Variants in PRKCE observed in about 807,000 individuals in gnomAD.
The protein encoded by PRKCE is protein kinase C epsilon type.
Under a neutral mutation model 85.4 loss-of-function variants are expected in PRKCE, and 16 were observed. The observed-to-expected ratio is 0.19, with a 90% CI of 0.13 to 0.28. The LOEUF is 0.28. Ranked by LOEUF, PRKCE falls within the 10% of genes least tolerant of loss-of-function variation. PRKCE has a pLI of 1.00. For synonymous variants in PRKCE, 388 were observed against 371.5 expected (o/e 1.04, Z -0.51); for missense variants, 573 against 975.2 (o/e 0.59, Z 5.49).
chr2:45,724,356 C>T (rs1265983650), intron 1 of PRKCE, among the ~76,000 whole-genome samples: 2 of 152,184 alleles, frequency 1.3e-5, no homozygotes, highest in African/African-American at 2.4e-5. Context: ...CTTACTGCTC[C>T]TCCAACTAGC....
intron 1 of PRKCE, among the ~76,000 whole-genome samples, chr2:45,782,132 T>C (rs1429571395): frequency 6.6e-6 from 1 of 152,214 alleles, no homozygotes; most frequent in Admixed American, 6.5e-5. Flanking sequence ...TCTCCTTAAG[T>C]CTGTCTTGTA....
chr2:45,792,150 A>G (rs902754279), intron 1 of PRKCE, among the ~76,000 whole-genome samples: 3 of 152,166 alleles, frequency 2.0e-5, no homozygotes, highest in African/African-American at 7.2e-5. Context: ...GTGCTGTGTC[A>G]CAACATGGCA....
At chr2:45,939,300 G>A (rs1318225386) in intron 2 of PRKCE, among the ~76,000 whole-genome samples, 1 of 152,170 alleles carries the variant, frequency 6.6e-6, no homozygotes, top group Non-Finnish European at 1.5e-5. Flanking sequence ...AGATGGGCTT[G>A]TCTAAAGCCA....
chr2:45,699,877 G>A (rs1444180761), intron 1 of PRKCE, among the ~76,000 whole-genome samples: 2 of 152,172 alleles, frequency 1.3e-5, no homozygotes, highest in Admixed American at 1.3e-4. Context: ...TGTCTGATGA[G>A]TGGAGAAATG....
In PRKCE at chr2:45,889,553, G is replaced by A. The variant is rs1240128534; in HGVS notation, c.412+46490G>A. Among the ~76,000 whole-genome samples, 4 of 127,878 alleles carry A rather than the reference G, an allele frequency of 3.1e-5. No individual in the cohort carries two copies. The Admixed American group carries it at 3.6e-4, about 12-fold the overall frequency. The allele number at this position is 127,878 out of a possible 152,430, so 83.9% of individuals were successfully genotyped here. A position where few individuals can be genotyped will look rare whatever the true frequency, so the allele number is the denominator to read the frequency against. Reference sequence around the variant, plus strand: ...GTTTCTGCTTAAGTATTTAAATGCAGTACTGGCTGTTGGTGGGGTGGGGTG... The same window carrying A: ...GTTTCTGCTTAAGTATTTAAATGCAATACTGGCTGTTGGTGGGGTGGGGTG... On this transcript the variant is annotated intron_variant, in intron 2 of 14. Transcript: ENST00000306156.
At chr2:45,966,541 T>G (rs569537744) in intron 2 of PRKCE, among the ~76,000 whole-genome samples, 2 of 152,200 alleles carry the variant, frequency 1.3e-5, no homozygotes, top group Non-Finnish European at 2.9e-5. Flanking sequence ...TTGAATTGTT[T>G]TCTTTGTGTT....
intron 1 of PRKCE, among the ~76,000 whole-genome samples, chr2:45,749,911 G>T (rs887128560): frequency 6.6e-6 from 1 of 152,260 alleles, no homozygotes; most frequent in Middle Eastern, 3.4e-3. Context: ...TCTTCCAGAG[G>T]TATTTAGAGG....
intron 1 of PRKCE, among the ~76,000 whole-genome samples, chr2:45,837,511 T>A (rs1459754771): frequency 6.6e-6 from 1 of 152,124 alleles, no homozygotes; most frequent in African/African-American, 2.4e-5. Context: ...CCTGCCTCAG[T>A]CTACTAAAGT....
intron 1 of PRKCE, among the ~76,000 whole-genome samples, chr2:45,828,222 C>T (rs966463492): frequency 2.1e-4 from 32 of 152,176 alleles, no homozygotes; most frequent in African/African-American, 3.9e-4. Context: ...AGAGGAGATT[C>T]GATCAAAGCA....
intron 10 of PRKCE, among the ~76,000 whole-genome samples, chr2:46,017,448 C>T (rs1706264176): frequency 6.6e-6 from 1 of 152,180 alleles, no homozygotes; most frequent in African/African-American, 2.4e-5. Context: ...TTTCACTTAT[C>T]ATCTATGGAT....
At chr2:46,032,221 A>C (rs187409432) in intron 10 of PRKCE, among the ~76,000 whole-genome samples, 3 of 151,594 alleles carry the variant, frequency 2.0e-5, no homozygotes, top group Non-Finnish European at 4.4e-5. Context: ...TGCGACAGGC[A>C]GGGTCCTGGG....
chr2:46,128,441 T>C (rs927385419), intron 11 of PRKCE, among the ~76,000 whole-genome samples: 3 of 152,226 alleles, frequency 2.0e-5, no homozygotes, highest in African/African-American at 7.2e-5. Flanking sequence ...AGTAAGCCTT[T>C]GAAATGAGTA....
At chr2:46,163,536 A>C (rs1213119979) in intron 14 of PRKCE, among the ~76,000 whole-genome samples, 1 of 88,260 alleles carries the variant, frequency 1.1e-5, no homozygotes, top group East Asian at 3.8e-4. Context: ...AAGCTGAGGC[A>C]CTCCCCACAG....
chr2:45,759,492 C>G (rs1558640719), intron 1 of PRKCE, among the ~76,000 whole-genome samples: 2 of 152,194 alleles, frequency 1.3e-5, no homozygotes, highest in Non-Finnish European at 2.9e-5. Flanking sequence ...CTTGAGAGAC[C>G]AAGCCTCTCT....
chr2:45,848,457 T>C (rs963385657), intron 2 of PRKCE, among the ~76,000 whole-genome samples: 1 of 152,144 alleles, frequency 6.6e-6, no homozygotes, highest in African/African-American at 2.4e-5. Context: ...ACTACAGGCA[T>C]GCACCACCAT....
intron 2 of PRKCE, among the ~76,000 whole-genome samples, chr2:45,971,044 C>A (rs567278536): frequency 6.6e-6 from 1 of 151,958 alleles, no homozygotes; most frequent in Admixed American, 6.6e-5. Flanking sequence ...ATAAGATGTA[C>A]GCTTTCAGCA....
At chr2:46,084,718 CA>C (rs11314680) in intron 10 of PRKCE, among the ~76,000 whole-genome samples, 62,103 of 92,186 alleles carry the variant, frequency 0.67, 20,165 homozygotes, top group East Asian at 0.91. Flanking sequence ...GAGACTCCAT[CA>C]AAAAAAAAAA....
intron 2 of PRKCE, among the ~76,000 whole-genome samples, chr2:45,963,500 G>C (rs1164412725): frequency 6.6e-6 from 1 of 152,232 alleles, no homozygotes; most frequent in Admixed American, 6.5e-5. Flanking sequence ...CTAGAGACAG[G>C]GTTTCGCCAT....
chr2:45,793,762 G>T (rs149490833), intron 1 of PRKCE, among the ~76,000 whole-genome samples: 1 of 152,190 alleles, frequency 6.6e-6, no homozygotes, highest in African/African-American at 2.4e-5. Context: ...TTTCCCCCTA[G>T]ATATGTTTGG....
Sources: gnomAD v4.1 joint callset for allele counts (sites outside exome capture counted in the v4.1 genomes callset) on GRCh38, gnomAD v4.1.1 for gene constraint, MANE v1.5 for transcripts, NCBI Gene and HGNC (gene_info 2026-07-23, HGNC 2026-07-21) for gene names.